ACOXL: variants seen among roughly 807,000 people sequenced by gnomAD.
ACOXL encodes acyl-coenzyme A oxidase-like protein.
A neutral mutation model predicts 71.9 loss-of-function variants in ACOXL; 70 were observed. The observed-to-expected ratio is 0.97, with a 90% CI of 0.80 to 1.19. ACOXL has a LOEUF of 1.19. ACOXL is among the 50% of genes most tolerant of loss of function. ACOXL has a pLI of 0.00. For synonymous variants in ACOXL, 253 were observed against 281.6 expected (o/e 0.90, Z 1.02); for missense variants, 703 against 736.3 (o/e 0.95, Z 0.52).
intron 11 of ACOXL, among the ~76,000 whole-genome samples, chr2:110,922,042 G>A (rs1313530433): frequency 2.6e-5 from 4 of 152,104 alleles, no homozygotes; most frequent in African/African-American, 9.7e-5. Context: ...TGTCAATTAG[G>A]TCAAGTTGGC....
At chr2:110,798,864 T>C (rs1254067866) in intron 6 of ACOXL, 140 bp downstream of exon 6, 2 of 1,138,028 alleles carry the variant, frequency 1.8e-6, no homozygotes, top group African/African-American at 1.5e-5. Context: ...AAGAAATTTA[T>C]CATTACATTT....
In ACOXL at chr2:110,967,666, G is replaced by A. The variant is rs192010738; in HGVS notation, c.1060-19442G>A. ...GGAAAACCTGAAAGAAATGAAAGGA[G>A]AAATAGACAAATCAACAATTATAGT... is the stretch of plus-strand genomic sequence containing the variant. On this transcript the variant is annotated intron_variant, in intron 12 of 17. Transcript: ENST00000439055. Among the ~76,000 whole-genome samples the A allele has an allele frequency of 3.9e-5, 6 of 152,272 alleles. No homozygotes were observed. In the South Asian group the frequency reaches 1.2e-3, roughly 32 times the overall value.
At chr2:110,971,863 T>C (rs1221113997) in intron 12 of ACOXL, among the ~76,000 whole-genome samples, 1 of 152,214 alleles carries the variant, frequency 6.6e-6, no homozygotes, top group Non-Finnish European at 1.5e-5. Context: ...ATTCACATTC[T>C]CCATCTCAGC....
Position 111,112,086 on chromosome 2 carries a change from A to T in ACOXL, c.1543-5530A>T, listed in dbSNP as rs186888118. ...GTTTGGTAAGGAAGGCAATTTCTCT[A>T]TTCTAACATTTCAGATTATGCTAAA... On this transcript the variant is annotated intron_variant, in intron 17 of 17. Coordinates refer to ENST00000439055, the MANE Select transcript of ACOXL (RefSeq NM_001142807.4). 2.3e-3 allele frequency among the ~76,000 whole-genome samples: 351 copies of T among 152,358 alleles called. 3 individuals are homozygous for T. The highest frequency in any genetic ancestry group is 8.0e-3 in the African/African-American group (331 of 41,584).
chr2:110,942,505 C>T (rs2060902295), intron 12 of ACOXL, among the ~76,000 whole-genome samples: 1 of 152,122 alleles, frequency 6.6e-6, no homozygotes, highest in South Asian at 2.1e-4. Flanking sequence ...GCCTGTTCCT[C>T]AGGAGGATAT....
intron 16 of ACOXL, among the ~76,000 whole-genome samples, chr2:111,080,847 G>A (rs889464257): frequency 6.6e-6 from 1 of 152,134 alleles, no homozygotes; most frequent in African/African-American, 2.4e-5. Context: ...TTCATCCCTG[G>A]GATGCAAGGC....
intron 1 of ACOXL, among the ~76,000 whole-genome samples, chr2:110,751,821 A>G (rs1480682037): frequency 1.3e-5 from 2 of 152,196 alleles, no homozygotes; most frequent in Admixed American, 1.3e-4. Context: ...ACTTATTATC[A>G]GAATCACACA....
chr2:110,954,632 ATTG>A (rs2061433899), intron 12 of ACOXL, among the ~76,000 whole-genome samples: 1 of 152,190 alleles, frequency 6.6e-6, no homozygotes, highest in Admixed American at 6.5e-5. Context: ...CCTCTAAACT[ATTG>A]TTGTCCACTG....
At chr2:110,834,425 T>A (rs997521316) in intron 9 of ACOXL, among the ~76,000 whole-genome samples, 1 of 152,242 alleles carries the variant, frequency 6.6e-6, no homozygotes, top group Non-Finnish European at 1.5e-5. Context: ...CATAATTCTT[T>A]TGTTTGAAAC....
At chr2:111,049,476 C>T (rs542987316) in intron 16 of ACOXL, among the ~76,000 whole-genome samples, 188 bp downstream of exon 16, 21 of 152,206 alleles carry the variant, frequency 1.4e-4, no homozygotes, top group East Asian at 7.7e-4. Context: ...CTGCGGAGTG[C>T]GGGAAAGTGA....
chr2:111,000,327 G>T (rs1040913151), intron 14 of ACOXL, among the ~76,000 whole-genome samples: 1 of 152,150 alleles, frequency 6.6e-6, no homozygotes, highest in South Asian at 2.1e-4. Flanking sequence ...TGTCCATCCC[G>T]CAAGTTGAAG....
intron 12 of ACOXL, among the ~76,000 whole-genome samples, chr2:110,948,329 C>A (rs2061190806): frequency 6.6e-6 from 1 of 152,156 alleles, no homozygotes; most frequent in African/African-American, 2.4e-5. Flanking sequence ...TGAAGCAATT[C>A]CAAGTGTTTG....
chr2:110,892,002 A>C (rs1697982883), intron 10 of ACOXL, among the ~76,000 whole-genome samples: 1 of 152,184 alleles, frequency 6.6e-6, no homozygotes, highest in Admixed American at 6.5e-5. Context: ...GATCTTACAC[A>C]AAAACTCAGA....
At chr2:110,870,037 A>G (rs906648130) in intron 10 of ACOXL, among the ~76,000 whole-genome samples, 14 of 152,380 alleles carry the variant, frequency 9.2e-5, no homozygotes, top group African/African-American at 3.1e-4. Context: ...TTCACAGCCT[A>G]TTTAAACCCA....
chr2:110,930,525 G>A (rs1456775370), intron 11 of ACOXL, among the ~76,000 whole-genome samples: 1 of 152,198 alleles, frequency 6.6e-6, no homozygotes, highest in African/African-American at 2.4e-5. Flanking sequence ...TTAAGACTTT[G>A]GGGGACTGTT....
At chr2:111,017,054 C>T (rs2064479368) in intron 14 of ACOXL, among the ~76,000 whole-genome samples, 1 of 152,216 alleles carries the variant, frequency 6.6e-6, no homozygotes, top group African/African-American at 2.4e-5. Context: ...ATTGAAGTGA[C>T]ATTTTCCAGC....
chr2:110,857,771 G>A (rs961209533), intron 10 of ACOXL, among the ~76,000 whole-genome samples: 8 of 152,142 alleles, frequency 5.3e-5, no homozygotes, highest in Non-Finnish European at 1.0e-4. Context: ...TGTTGCCCAG[G>A]CTGGAGTTCG....
chr2:110,983,360 G>T (rs2062798108), intron 12 of ACOXL, among the ~76,000 whole-genome samples: 1 of 152,176 alleles, frequency 6.6e-6, no homozygotes, highest in African/African-American at 2.4e-5. Context: ...GATATTTATT[G>T]CAAATGCATG....
In ACOXL at chr2:110,907,332, A is replaced by G. The variant is rs374792539; in HGVS notation, c.789-1457A>G. 6.6e-5 allele frequency among the ~76,000 whole-genome samples: 10 copies of G among 152,214 alleles called. No homozygotes were observed. The East Asian group carries it at 1.5e-3, about 23-fold the overall frequency. On this transcript the variant is annotated intron_variant, in intron 10 of 17. Transcript: ENST00000439055. The stretch of plus-strand genomic sequence containing the variant: ...TTGCCTCCTGAAAGCCCTATCTCCA[A>G]ATAGTCACATTGGTTGTTAGGGCTT...
Sources: gnomAD v4.1 joint callset for allele counts (sites outside exome capture counted in the v4.1 genomes callset) on GRCh38, gnomAD v4.1.1 for gene constraint, MANE v1.5 for transcripts, NCBI Gene and HGNC (gene_info 2026-07-23, HGNC 2026-07-21) for gene names.